The following ZDHHC20 variants were observed in gnomAD, a reference collection of about 807,000 sequenced individuals.
The protein encoded by ZDHHC20 is zDHHC palmitoyltransferase 20.
In ZDHHC20, 43 loss-of-function variants were observed where a neutral mutation model predicts 57.8. The ratio of observed to expected loss-of-function variants is 0.74; its 90% CI spans 0.58 to 0.96. The LOEUF (loss-of-function observed/expected upper bound fraction) is 0.96, where lower values mean the gene tolerates loss of function less well. ZDHHC20 is among the 40% of genes least tolerant of loss of function. The probability of loss-of-function intolerance (pLI) is 0.00; values close to 1 mark genes in which losing one functional copy is unlikely to be tolerated. For missense variants in ZDHHC20, 391 were observed against 441.1 expected, an observed-to-expected ratio of 0.89 and a Z score of 1.02; for synonymous variants, 157 against 153.0, an observed-to-expected ratio of 1.03 and a Z score of -0.19.
intron 9 of ZDHHC20, among the ~76,000 whole-genome samples, chr13:21,385,345 C>T (rs905154453): frequency 1.3e-5 from 2 of 152,166 alleles, no homozygotes; most frequent in Non-Finnish European, 2.9e-5. Context: ...ACAAGAATTG[C>T]TTGAACCCAG....
intron 1 of ZDHHC20, among the ~76,000 whole-genome samples, chr13:21,455,294 T>C (rs1191018634): frequency 6.6e-6 from 1 of 152,106 alleles, no homozygotes; most frequent in Non-Finnish European, 1.5e-5. Flanking sequence ...TCTCTTTAAG[T>C]TCTAAGATTC....
chr13:21,381,196 C>A (rs543020364), intron 11 of ZDHHC20, among the ~76,000 whole-genome samples: 1 of 151,888 alleles, frequency 6.6e-6, no homozygotes, highest in Non-Finnish European at 1.5e-5. Flanking sequence ...GTAGTAGAGA[C>A]GGGGTTTCAC....
chr13:21,416,203 CAA>C (rs55796229), intron 3 of ZDHHC20, among the ~76,000 whole-genome samples: 18,311 of 70,386 alleles, frequency 0.26, 700 homozygotes, highest in Non-Finnish European at 0.35. Flanking sequence ...GACTCCATCT[CAA>C]AAAAAAAAAA....
chr13:21,444,666 C>G (rs891202705), intron 1 of ZDHHC20, among the ~76,000 whole-genome samples: 1 of 152,130 alleles, frequency 6.6e-6, no homozygotes, highest in Non-Finnish European at 1.5e-5. Flanking sequence ...GCCTTCTCTA[C>G]GTGAAAGTTA....
At chr13:21,395,069 C>CT (rs11335890) in intron 7 of ZDHHC20, among the ~76,000 whole-genome samples, 15 of 144,630 alleles carry the variant, frequency 1.0e-4, no homozygotes, top group African/African-American at 1.3e-4. Context: ...TAAATTCTTT[C>CT]TTTTTTTTTT....
intron 5 of ZDHHC20, among the ~76,000 whole-genome samples, chr13:21,402,134 T>G (rs1877716609): frequency 6.6e-6 from 1 of 152,132 alleles, no homozygotes; most frequent in African/African-American, 2.4e-5. Flanking sequence ...ACAAATTAGC[T>G]GAAGGAGATA....
In ZDHHC20 at chr13:21,445,399, T is replaced by C. The variant is rs141729616; in HGVS notation, c.118+13655A>G. On this transcript the variant is annotated intron_variant, in intron 1 of 12. Transcript: ENST00000400590. The stretch of plus-strand genomic sequence containing the variant: ...GCTAATAATCTCTCTCCAATAGAGT[T>C]AGAATTAAAAAAGACCTAACATAAG... 3.4e-4 allele frequency among the ~76,000 whole-genome samples: 52 copies of C among 152,220 alleles called. 1 individual carries two copies. In the East Asian group the frequency reaches 9.3e-3, roughly 27 times the overall value.
chr13:21,382,771 A>G, intron 10 of ZDHHC20, 149 bp downstream of exon 10: 1 of 581,934 alleles, frequency 1.7e-6, no homozygotes, highest in Non-Finnish European at 2.9e-6. Context: ...CTTTTATTAA[A>G]CCTCAGTTAA....
intron 1 of ZDHHC20, among the ~76,000 whole-genome samples, chr13:21,441,715 T>C (rs527323094): frequency 2.0e-5 from 3 of 152,156 alleles, no homozygotes; most frequent in East Asian, 1.9e-4. Flanking sequence ...TTCCACTATA[T>C]TTTCAAACTA....
At chr13:21,441,413 T>C (rs1003292908) in intron 1 of ZDHHC20, among the ~76,000 whole-genome samples, 9 of 150,520 alleles carry the variant, frequency 6.0e-5, no homozygotes, top group African/African-American at 2.2e-4. Context: ...TGAGACGGAG[T>C]CTAGCACTGT....
At position 21,421,051 on chromosome 13, in the gene ZDHHC20, T is replaced by A; in HGVS notation, c.249+10A>T. Reference sequence around the variant, plus strand: ...TAAAACATTTGGTAATTTACCAACATTAAATTTACCTCTTTGGAGGGGGAA... The same window carrying A: ...TAAAACATTTGGTAATTTACCAACAATAAATTTACCTCTTTGGAGGGGGAA... On this transcript the variant is annotated intron_variant, in intron 3 of 12. Transcript: ENST00000400590. 1.9e-6 allele frequency: 3 copies of A among 1,601,614 alleles called. No homozygotes were observed. Among genetic ancestry groups the A allele is most frequent in the Non-Finnish European group, 2.6e-6 (3 of 1,170,248 alleles).
rs148757708 is a variant in ZDHHC20 at position 21,457,919 on chromosome 13, A to C, written c.118+1135T>G. On this transcript the variant is annotated intron_variant, in intron 1 of 12. Transcript: ENST00000400590. The stretch of plus-strand genomic sequence containing the variant: ...ATAAAATGGTAGATTCAGTCTAAGG[A>C]CTAAGAGTAGAACATTCTGGAATAA... Among the ~76,000 whole-genome samples the C allele has an allele frequency of 6.8e-3, 1,035 of 152,330 alleles. 7 individuals carry two copies. Among genetic ancestry groups the C allele is most frequent in the South Asian group, 0.013 (65 of 4,826 alleles).
At chr13:21,435,168 C>G (rs563069815) in intron 1 of ZDHHC20, among the ~76,000 whole-genome samples, 1 of 152,104 alleles carries the variant, frequency 6.6e-6, no homozygotes, top group East Asian at 1.9e-4. Flanking sequence ...GGGTCAGTAT[C>G]TTTTCTTATG....
At chr13:21,439,464 C>T (rs1263334247) in intron 1 of ZDHHC20, among the ~76,000 whole-genome samples, 3 of 152,150 alleles carry the variant, frequency 2.0e-5, no homozygotes, top group African/African-American at 7.2e-5. Flanking sequence ...CACACCACTG[C>T]ACTCCAGCCT....
At chr13:21,434,918 T>C (rs560046172) in intron 1 of ZDHHC20, among the ~76,000 whole-genome samples, 5 of 152,344 alleles carry the variant, frequency 3.3e-5, no homozygotes, top group Admixed American at 3.3e-4. Flanking sequence ...TGTGCATGTG[T>C]TGTTTATTTG....
At chr13:21,455,920 T>G (rs1005784380) in intron 1 of ZDHHC20, among the ~76,000 whole-genome samples, 2 of 152,182 alleles carry the variant, frequency 1.3e-5, no homozygotes, top group Admixed American at 6.5e-5. Context: ...TGTATAGTGG[T>G]TAACAGCATG....
intron 7 of ZDHHC20, among the ~76,000 whole-genome samples, chr13:21,392,658 G>A (rs759290339): frequency 3.9e-4 from 60 of 152,264 alleles, no homozygotes; most frequent in Middle Eastern, 3.4e-3. Context: ...TTAATAGAAG[G>A]AGGCAGCCTT....
At chr13:21,388,673 G>A (rs1194353894) in intron 8 of ZDHHC20, among the ~76,000 whole-genome samples, 1 of 152,210 alleles carries the variant, frequency 6.6e-6, no homozygotes, top group Non-Finnish European at 1.5e-5. Context: ...AGAAACATGT[G>A]ACATTACTGC....
At chr13:21,447,445 G>C (rs867325784) in intron 1 of ZDHHC20, among the ~76,000 whole-genome samples, 1 of 148,058 alleles carries the variant, frequency 6.8e-6, no homozygotes, top group South Asian at 2.3e-4. Context: ...GGCACGCGCC[G>C]CCACGCCTGA....
Sources: allele counts gnomAD v4.1 joint callset (sites outside exome capture counted in the v4.1 genomes callset), GRCh38; gene constraint gnomAD v4.1.1; transcripts MANE v1.5; gene names NCBI Gene and HGNC (gene_info 2026-07-23, HGNC 2026-07-21).